The following THTPA variants were observed in gnomAD, a reference collection of about 807,000 sequenced individuals.
The protein encoded by THTPA is thiamine triphosphatase, also known as thiamine-triphosphatase.
THTPA carries 16 observed loss-of-function variants against 16.5 expected under a neutral mutation model. The ratio of observed to expected loss-of-function variants is 0.97; its 90% CI spans 0.66 to 1.47. The LOEUF is 1.47. Ranked by LOEUF, THTPA falls within the 40% of genes most tolerant of loss-of-function variation. The pLI is 0.00. For missense variants in THTPA, 281 were observed against 280.9 expected (o/e 1.00, Z 0.00); for synonymous variants, 110 against 115.5 (o/e 0.95, Z 0.30).
chr14:23,525,483 TCCCACAGGC>T, the THTPA span: 5 of 1,535,698 alleles, frequency 3.3e-6, no homozygotes, highest in African/African-American at 1.4e-5. The surrounding 1 kb of genome is among the most constrained non-coding windows in gnomAD (Gnocchi z 5.9). Flanking sequence ...GAGAAGAGTT[TCCCACAGGC>T]CCCACAGGCC....
the THTPA span, among the ~76,000 whole-genome samples, chr14:23,529,952 C>T: frequency 1.8e-4 from 28 of 152,244 alleles, no homozygotes; most frequent in South Asian, 4.4e-3. Context: ...TCAAAGAGGG[C>T]GGAAGTGCCT....
chr14:23,530,137 T>C, the THTPA span: 1 of 1,535,918 alleles, frequency 6.5e-7, no homozygotes, highest in Admixed American at 2.0e-5. Context: ...TTCTGTCTTG[T>C]TCTGGGCATC....
At chr14:23,518,053 G>A in the THTPA span, among the ~76,000 whole-genome samples, 1 of 152,140 alleles carries the variant, frequency 6.6e-6, no homozygotes, top group East Asian at 1.9e-4. The surrounding 1 kb of genome is among the most constrained non-coding windows in gnomAD (Gnocchi z 4.5). Flanking sequence ...ATGGGTCTTG[G>A]GATATGTCCC....
chr14:23,525,688 C>G, the THTPA span: 5 of 1,530,146 alleles, frequency 3.3e-6, 1 homozygote, highest in Non-Finnish European at 4.4e-6. The surrounding 1 kb of genome is among the most constrained non-coding windows in gnomAD (Gnocchi z 5.9). Context: ...CCTCATTACC[C>G]TCTTTGGCCA....
At chr14:23,554,154 A>G (rs901367928), upstream of THTPA, among the ~76,000 whole-genome samples, 1 of 152,072 alleles carries the variant, frequency 6.6e-6, no homozygotes, top group African/African-American at 2.4e-5. Context: ...GGCTCCGGAA[A>G]CTGGTCTTTC....
At chr14:23,552,591 GC>G (rs1417347838), upstream of THTPA, among the ~76,000 whole-genome samples, 11 of 151,262 alleles carry the variant, frequency 7.3e-5, no homozygotes, top group African/African-American at 2.7e-4. Flanking sequence ...ACCGCGCCCA[GC>G]CCGTTTTTTT....
the THTPA span, chr14:23,535,015 C>CCTT: frequency 4.6e-6 from 7 of 1,536,054 alleles, 1 homozygote; most frequent in East Asian, 1.7e-4. This position sits in a 1 kb window ranked among gnomAD's most constrained non-coding sequence, Gnocchi z 4.5. Flanking sequence ...GGGAGGGAGC[C>CCTT]CTTCTTCTTC....
Position 23,559,056 on chromosome 14 carries a change from TC to T in THTPA, c.*220del. 1.7e-6 allele frequency: 1 copy of T among 577,936 alleles called. No individual in the cohort carries two copies. The highest frequency in any genetic ancestry group is 3.0e-6 in the Non-Finnish European group (1 of 330,896). The allele number at this position is 577,936 out of a possible 1,614,324, so 35.8% of individuals were successfully genotyped here. A position where few individuals can be genotyped will look rare whatever the true frequency, so the allele number is the denominator to read the frequency against. On this transcript the variant is annotated 3_prime_UTR_variant, in exon 2 of 2. Transcript: ENST00000288014. ...AGATGCAATCTGTGGGCCGCCCCTC[TC>T]CCCTGGCCGCTAAGCAGCCTCCATT...
At chr14:23,512,395 G>T in the THTPA span, among the ~76,000 whole-genome samples, 3 of 152,004 alleles carry the variant, frequency 2.0e-5, no homozygotes, top group African/African-American at 7.2e-5. Flanking sequence ...AGGGGCCCTG[G>T]GAACTGGGGC....
chr14:23,516,216 C>G, the THTPA span, among the ~76,000 whole-genome samples: 89 of 152,262 alleles, frequency 5.8e-4, no homozygotes, highest in African/African-American at 2.1e-3. Flanking sequence ...CACTCATGTT[C>G]CAAGTGGACA....
chr14:23,529,564 C>T, the THTPA span: 1 of 828,036 alleles, frequency 1.2e-6, no homozygotes. Context: ...ACATGTGGAA[C>T]TGGATCTGGG....
upstream of THTPA, among the ~76,000 whole-genome samples, chr14:23,553,202 G>A (rs994538927): frequency 2.0e-5 from 3 of 152,068 alleles, no homozygotes; most frequent in African/African-American, 7.2e-5. Context: ...AAGTTCACAT[G>A]ACAAAAAGGA....
At chr14:23,521,611 C>G in the THTPA span, 1 of 228,536 alleles carries the variant, frequency 4.4e-6, no homozygotes, top group South Asian at 9.7e-5. Context: ...GCTGGGAATT[C>G]AGTGAGGAAA....
At chr14:23,517,173 G>A in the THTPA span, among the ~76,000 whole-genome samples, 7 of 152,102 alleles carry the variant, frequency 4.6e-5, no homozygotes, top group Non-Finnish European at 1.0e-4. Flanking sequence ...TTTGTGTGAG[G>A]GCTGTCTGGG....
the THTPA span, chr14:23,529,815 G>A: frequency 2.6e-6 from 4 of 1,518,688 alleles, no homozygotes; most frequent in Non-Finnish European, 3.5e-6. Context: ...CAGCCCTCAA[G>A]ATGATTTGTA....
At position 23,559,758 on chromosome 14, in the gene THTPA, C is replaced by T. The variant is rs759933588; in HGVS notation, c.*918C>T. The stretch of plus-strand genomic sequence containing the variant: ...CTGTGAGTGGAGACAGTTACTGCCA[C>T]GATTCCACAGGCAAGTTGTTCACCT... On this transcript the variant is annotated 3_prime_UTR_variant, in exon 2 of 2. Coordinates refer to ENST00000288014, the MANE Select transcript of THTPA (RefSeq NM_024328.6). The T allele has an allele frequency of 1.1e-5, 17 of 1,613,928 alleles. No individual in the cohort carries two copies. The highest frequency in any genetic ancestry group is 1.6e-4 in the Middle Eastern group (1 of 6,082).
In THTPA at chr14:23,559,032, G is replaced by A; in HGVS notation, c.*192G>A. The A allele has an allele frequency of 1.5e-6, 1 of 663,158 alleles. No individual in the cohort carries two copies. The highest frequency in any genetic ancestry group is 2.0e-5 in the South Asian group (1 of 50,602). 41.1% of individuals were successfully genotyped at this position (663,158 alleles called of 1,614,324 possible). ...GCTGCTTCCTCTCGCTCATCCGTCA[G>A]ATGCAATCTGTGGGCCGCCCCTCTC... is the stretch of plus-strand genomic sequence containing the variant. On this transcript the variant is annotated 3_prime_UTR_variant, in exon 2 of 2. Transcript: ENST00000288014.
At chr14:23,523,102 C>A in the THTPA span, 1 of 1,405,118 alleles carries the variant, frequency 7.1e-7, no homozygotes, top group Non-Finnish European at 9.2e-7. This position sits in a 1 kb window ranked among gnomAD's most constrained non-coding sequence, Gnocchi z 4.1. Flanking sequence ...AGGAAGGCCA[C>A]AGGAGATTGG....
chr14:23,524,760 G>A, the THTPA span: 19 of 1,536,304 alleles, frequency 1.2e-5, no homozygotes, highest in Non-Finnish European at 1.7e-5. The surrounding 1 kb of genome is among the most constrained non-coding windows in gnomAD (Gnocchi z 5.6). Context: ...GGCCCTGCTG[G>A]AGGTTCAAGG....
Sources: allele counts gnomAD v4.1 joint callset (sites outside exome capture counted in the v4.1 genomes callset), GRCh38; gene constraint gnomAD v4.1.1; non-coding constraint Gnocchi (gnomAD v3.1); transcripts MANE v1.5; gene names NCBI Gene and HGNC (gene_info 2026-07-23, HGNC 2026-07-21).